The following LSAMP variants were observed in gnomAD, a reference collection of about 807,000 sequenced individuals.
The protein encoded by LSAMP is limbic system associated membrane protein, also known as limbic system-associated membrane protein.
Under a neutral mutation model 38.6 loss-of-function variants are expected in LSAMP, and 7 were observed. The ratio of observed to expected loss-of-function variants is 0.18; its 90% CI spans 0.10 to 0.34. The LOEUF (loss-of-function observed/expected upper bound fraction) is 0.34. Among genes scored for constraint, LSAMP ranks in the 10% least tolerant of loss-of-function variants. The pLI is 1.00. For synonymous variants in LSAMP, 154 were observed against 166.8 expected (o/e 0.92, Z 0.59); for missense variants, 313 against 420.0 (o/e 0.75, Z 2.23).
intron 1 of LSAMP, among the ~76,000 whole-genome samples, chr3:116,181,716 T>G (rs1226550213): frequency 6.6e-6 from 1 of 152,002 alleles, no homozygotes; most frequent in Non-Finnish European, 1.5e-5. Context: ...TATCCTAAGA[T>G]AGACAGCCAT....
chr3:116,415,326 T>G (rs1337718661), intron 1 of LSAMP, among the ~76,000 whole-genome samples: 1 of 152,100 alleles, frequency 6.6e-6, no homozygotes, highest in Non-Finnish European at 1.5e-5. Context: ...AAAAAATGGT[T>G]GCCGGACAAG....
At chr3:115,884,189 A>T (rs1417700222) in intron 3 of LSAMP, among the ~76,000 whole-genome samples, 1 of 152,088 alleles carries the variant, frequency 6.6e-6, no homozygotes, top group Non-Finnish European at 1.5e-5. Flanking sequence ...TAAAAGATGT[A>T]GTAATAATGG....
intron 1 of LSAMP, among the ~76,000 whole-genome samples, chr3:116,289,276 C>T (rs985940018): frequency 1.3e-5 from 2 of 152,182 alleles, no homozygotes; most frequent in African/African-American, 4.8e-5. Flanking sequence ...AAAACTGCTA[C>T]ACATTTTATT....
intron 1 of LSAMP, among the ~76,000 whole-genome samples, chr3:116,123,629 G>T (rs1708938131): frequency 6.6e-6 from 1 of 152,052 alleles, no homozygotes. Context: ...TGTTTCCTTG[G>T]GTTATCTTTT....
At chr3:116,437,832 A>C (rs953618434) in intron 1 of LSAMP, among the ~76,000 whole-genome samples, 2 of 152,170 alleles carry the variant, frequency 1.3e-5, no homozygotes, top group African/African-American at 4.8e-5. Context: ...CATGAGTTCT[A>C]ATTCTCAATT....
chr3:116,031,191 C>T (rs148577720), intron 2 of LSAMP, among the ~76,000 whole-genome samples: 30 of 152,082 alleles, frequency 2.0e-4, no homozygotes, highest in African/African-American at 1.2e-4. Flanking sequence ...ATAAAGGGTT[C>T]GGGGAACAAT....
In LSAMP at chr3:116,062,459, T is replaced by G. The variant is rs531468793; in HGVS notation, c.388+23865A>C. 1.4e-3 allele frequency among the ~76,000 whole-genome samples: 209 copies of G among 152,236 alleles called. 3 individuals carry two copies. The highest frequency in any genetic ancestry group is 4.7e-3 in the African/African-American group (197 of 41,530). Reference sequence around the variant, plus strand: ...TGAACTCAGGAGGCGGAGGTTGCGGTGAGCCGGGATTGTGCCACTGCACTC... The same window carrying G: ...TGAACTCAGGAGGCGGAGGTTGCGGGGAGCCGGGATTGTGCCACTGCACTC... On this transcript the variant is annotated intron_variant, in intron 2 of 6. Coordinates refer to ENST00000490035, the MANE Select transcript of LSAMP (RefSeq NM_002338.5).
chr3:116,064,934 G>T (rs571638823), intron 2 of LSAMP, among the ~76,000 whole-genome samples: 1 of 152,244 alleles, frequency 6.6e-6, no homozygotes, highest in South Asian at 2.1e-4. Context: ...TGGCATTTTG[G>T]CAAGTCCATA....
intron 1 of LSAMP, among the ~76,000 whole-genome samples, chr3:116,252,024 C>T (rs912463368): frequency 6.6e-6 from 1 of 152,172 alleles, no homozygotes; most frequent in Non-Finnish European, 1.5e-5. Flanking sequence ...ACATACAAGA[C>T]AGACAAAAAG....
chr3:115,856,551 G>A (rs1486412207), intron 3 of LSAMP, among the ~76,000 whole-genome samples: 3 of 151,868 alleles, frequency 2.0e-5, no homozygotes, highest in African/African-American at 4.8e-5. Context: ...CCTGGGAGGC[G>A]GAGGTTGCAG....
intron 3 of LSAMP, among the ~76,000 whole-genome samples, chr3:115,976,859 C>T (rs1348360033): frequency 6.6e-6 from 1 of 152,074 alleles, no homozygotes; most frequent in Admixed American, 6.6e-5. Context: ...TGTCATGCCA[C>T]CTGCACAGCC....
At chr3:116,137,201 TC>T (rs951039761) in intron 1 of LSAMP, among the ~76,000 whole-genome samples, 14 of 152,130 alleles carry the variant, frequency 9.2e-5, no homozygotes, top group African/African-American at 3.1e-4. Context: ...TGTCATTGGG[TC>T]TGGATTAGGC....
At chr3:115,963,323 A>G (rs1352220541) in intron 3 of LSAMP, among the ~76,000 whole-genome samples, 1 of 152,234 alleles carries the variant, frequency 6.6e-6, no homozygotes, top group Non-Finnish European at 1.5e-5. Flanking sequence ...AAATTAGGGA[A>G]TCCTTTGAGA....
At chr3:116,285,353 C>T (rs1229156502) in intron 1 of LSAMP, among the ~76,000 whole-genome samples, 1 of 152,124 alleles carries the variant, frequency 6.6e-6, no homozygotes, top group Non-Finnish European at 1.5e-5. Context: ...ACTCTGTCTC[C>T]CTTTTTCTCT....
intron 1 of LSAMP, among the ~76,000 whole-genome samples, chr3:116,407,084 T>C (rs1320301840): frequency 6.6e-6 from 1 of 152,028 alleles, no homozygotes; most frequent in African/African-American, 2.4e-5. Flanking sequence ...TTCAAGTTCT[T>C]TAAGAAGACT....
intron 3 of LSAMP, among the ~76,000 whole-genome samples, chr3:115,866,039 G>A (rs934665197): frequency 1.3e-5 from 2 of 152,062 alleles, no homozygotes; most frequent in Non-Finnish European, 2.9e-5. Flanking sequence ...ATCTATATAG[G>A]CTTCTTCTTT....
In LSAMP at chr3:115,935,087, GA is replaced by G. The variant is rs200731075; in HGVS notation, c.515-82471del. On this transcript the variant is annotated intron_variant, in intron 3 of 6. Transcript: ENST00000490035. ...CAAAAAAAACCTCACCAAATAATGAGAAAAAAAAAGGTGAGATAATGATGGC... is the reference window on the plus strand; with the variant it reads ...CAAAAAAAACCTCACCAAATAATGAGAAAAAAAAGGTGAGATAATGATGGC... Among the ~76,000 whole-genome samples the G allele has an allele frequency of 1.1e-4, 16 of 147,240 alleles. No homozygotes were observed. In the East Asian group the frequency reaches 2.6e-3, roughly 24 times the overall value.
chr3:116,240,994 G>A (rs1420781322), intron 1 of LSAMP, among the ~76,000 whole-genome samples: 1 of 152,000 alleles, frequency 6.6e-6, no homozygotes, highest in African/African-American at 2.4e-5. Context: ...TGACCAACAT[G>A]GAGAAACCCC....
At chr3:116,406,450 T>G (rs868759368) in intron 1 of LSAMP, among the ~76,000 whole-genome samples, 43 of 152,094 alleles carry the variant, frequency 2.8e-4, no homozygotes, top group African/African-American at 1.0e-3. Flanking sequence ...TTATGAATCC[T>G]TTCTTGGTGA....
Sources: allele counts gnomAD v4.1 joint callset (sites outside exome capture counted in the v4.1 genomes callset), GRCh38; gene constraint gnomAD v4.1.1; transcripts MANE v1.5; gene names NCBI Gene and HGNC (gene_info 2026-07-23, HGNC 2026-07-21).